Variants in MSH3 observed in about 807,000 individuals in gnomAD.
The protein encoded by MSH3 is mutS homolog 3.
A neutral mutation model predicts 123.3 loss-of-function variants in MSH3; 106 were observed. The ratio of observed to expected loss-of-function variants is 0.86; its 90% CI spans 0.73 to 1.01. The LOEUF (loss-of-function observed/expected upper bound fraction) is 1.01, where lower values mean the gene tolerates loss of function less well. Among genes scored for constraint, MSH3 ranks in the 50% least tolerant of loss-of-function variants. MSH3 has a pLI of 0.00. For synonymous variants in MSH3, 515 were observed against 481.4 expected (o/e 1.07, Z -0.91); for missense variants, 1,459 against 1,347.6 (o/e 1.08, Z -1.29).
intron 16 of MSH3, 91 bp from the exon 17 acceptor site, chr5:80,778,629 A>C (rs1464999113): frequency 2.5e-6 from 2 of 790,328 alleles, no homozygotes; most frequent in Non-Finnish European, 4.6e-6. Context: ...GGTTCATCAG[A>C]GAATAATAAA....
At chr5:80,744,802 T>C (rs1743685741) in intron 12 of MSH3, among the ~76,000 whole-genome samples, 187 bp downstream of exon 12, 1 of 152,202 alleles carries the variant, frequency 6.6e-6, no homozygotes, top group African/African-American at 2.4e-5. Flanking sequence ...TTCTCGTGAA[T>C]GAGCCTGCCT....
chr5:80,751,946 A>C (rs554349261), intron 12 of MSH3, among the ~76,000 whole-genome samples: 24 of 152,130 alleles, frequency 1.6e-4, no homozygotes, highest in Admixed American at 1.2e-3. Context: ...CATCTATTCA[A>C]CGTCTGATGT....
intron 20 of MSH3, among the ~76,000 whole-genome samples, chr5:80,850,907 A>T (rs1206253326): frequency 6.6e-6 from 1 of 152,172 alleles, no homozygotes; most frequent in Admixed American, 6.5e-5. Flanking sequence ...TACTCGAGTT[A>T]TTATAATAGC....
chr5:80,709,578 C>T (rs1014535223), intron 8 of MSH3, among the ~76,000 whole-genome samples: 2 of 151,946 alleles, frequency 1.3e-5, no homozygotes, highest in Admixed American at 6.6e-5. Context: ...GCTGAGATCA[C>T]GTGAGATCGC....
chr5:80,843,808 A>G (rs1257782578), intron 20 of MSH3, among the ~76,000 whole-genome samples: 1 of 151,910 alleles, frequency 6.6e-6, no homozygotes, highest in Non-Finnish European at 1.5e-5. Context: ...GTTCGTTATT[A>G]GTCTTGCTAG....
chr5:80,713,120 C>T (rs1434139461), intron 8 of MSH3, among the ~76,000 whole-genome samples: 1 of 152,084 alleles, frequency 6.6e-6, no homozygotes, highest in Non-Finnish European at 1.5e-5. Flanking sequence ...TTTCTAAAGT[C>T]GGTATAGATC....
intron 20 of MSH3, among the ~76,000 whole-genome samples, chr5:80,824,601 T>C (rs977662111): frequency 1.3e-5 from 2 of 152,220 alleles, no homozygotes; most frequent in Admixed American, 6.5e-5. Context: ...ATAAAAATAA[T>C]AGGTGCTTAT....
chr5:80,703,726 T>G (rs1750658916), intron 8 of MSH3, among the ~76,000 whole-genome samples: 1 of 152,174 alleles, frequency 6.6e-6, no homozygotes, highest in African/African-American at 2.4e-5. Flanking sequence ...AATGTGTTTT[T>G]ATTCACTCCT....
chr5:80,712,740 T>C (rs1283862374), intron 8 of MSH3, among the ~76,000 whole-genome samples: 1 of 152,180 alleles, frequency 6.6e-6, no homozygotes, highest in Non-Finnish European at 1.5e-5. Context: ...AAATAATCTT[T>C]CACGATGTGA....
intron 19 of MSH3, among the ~76,000 whole-genome samples, chr5:80,798,491 T>A (rs1744737500): frequency 6.6e-6 from 1 of 152,230 alleles, no homozygotes; most frequent in Admixed American, 6.5e-5. Context: ...TGTTGACAAT[T>A]TGTGCCTAAT....
At chr5:80,770,727 C>T (rs1744201095) in intron 15 of MSH3, among the ~76,000 whole-genome samples, 1 of 152,132 alleles carries the variant, frequency 6.6e-6, no homozygotes, top group African/African-American at 2.4e-5. Flanking sequence ...AGATTCTCAA[C>T]ACCATGGATT....
chr5:80,780,892 TA>T (rs63051462), intron 17 of MSH3, among the ~76,000 whole-genome samples: 35,384 of 151,974 alleles, frequency 0.23, 4,360 homozygotes, highest in Non-Finnish European at 0.28. Flanking sequence ...CCTTAAACAG[TA>T]AAAATTCAGT....
intron 10 of MSH3, among the ~76,000 whole-genome samples, chr5:80,737,370 T>G (rs1232566257): frequency 6.6e-6 from 1 of 152,198 alleles, no homozygotes; most frequent in African/African-American, 2.4e-5. Flanking sequence ...ATGGAGTTGA[T>G]TTCTCTGTCC....
intron 10 of MSH3, among the ~76,000 whole-genome samples, chr5:80,736,835 A>G (rs1392512844): frequency 3.3e-5 from 5 of 152,162 alleles, no homozygotes; most frequent in African/African-American, 1.2e-4. Context: ...CTCCGCCTGG[A>G]GAGGATTCTT....
At chr5:80,818,985 A>G (rs938277954) in intron 20 of MSH3, among the ~76,000 whole-genome samples, 2 of 152,166 alleles carry the variant, frequency 1.3e-5, no homozygotes, top group African/African-American at 4.8e-5. Flanking sequence ...AAATCAGTGC[A>G]TTGAATTGCA....
intron 20 of MSH3, among the ~76,000 whole-genome samples, chr5:80,846,682 G>T (rs1244899945): frequency 6.6e-6 from 1 of 152,262 alleles, no homozygotes; most frequent in Non-Finnish European, 1.5e-5. Context: ...TGCTGCGCTA[G>T]CAGTGAGCAA....
intron 20 of MSH3, among the ~76,000 whole-genome samples, chr5:80,845,462 G>A (rs1263821709): frequency 3.3e-5 from 5 of 152,110 alleles, no homozygotes; most frequent in Non-Finnish European, 1.5e-5. Context: ...TGCTAGGTTA[G>A]GGAACTTCTC....
intron 8 of MSH3, among the ~76,000 whole-genome samples, chr5:80,684,459 ATTTC>A (rs894026294): frequency 5.9e-5 from 9 of 151,588 alleles, no homozygotes; most frequent in African/African-American, 2.2e-4. Context: ...TACTTTTTTG[ATTTC>A]TTTTTCATAT....
intron 10 of MSH3, among the ~76,000 whole-genome samples, chr5:80,729,250 C>T (rs1275238003): frequency 6.6e-6 from 1 of 151,478 alleles, no homozygotes; most frequent in Admixed American, 6.6e-5. Flanking sequence ...CCCGTCTCTA[C>T]TAAAAATACA....
Sources: gnomAD v4.1 joint callset for allele counts (sites outside exome capture counted in the v4.1 genomes callset) on GRCh38, gnomAD v4.1.1 for gene constraint, MANE v1.5 for transcripts, NCBI Gene and HGNC (gene_info 2026-07-23, HGNC 2026-07-21) for gene names.